Variants in LYST observed in about 807,000 individuals in gnomAD.
The protein encoded by LYST is lysosomal-trafficking regulator.
Under a neutral mutation model 413.6 loss-of-function variants are expected in LYST, and 192 were observed. The observed-to-expected ratio is 0.46, with a 90% confidence interval of 0.41 to 0.52. The LOEUF (loss-of-function observed/expected upper bound fraction) is 0.52. Ranked by LOEUF, LYST falls within the 20% of genes least tolerant of loss-of-function variation. The pLI is 0.00. For missense variants in LYST, 3,815 were observed against 4,499.9 expected (o/e 0.85, Z 4.35); for synonymous variants, 1,525 against 1,567.3 (o/e 0.97, Z 0.64).
At chr1:235,855,540 G>A (rs1333994122) in intron 1 of LYST, among the ~76,000 whole-genome samples, 1 of 152,084 alleles carries the variant, frequency 6.6e-6, no homozygotes, top group East Asian at 1.9e-4. Flanking sequence ...CAGTTTAAAA[G>A]TTCTTGAAAA....
intron 39 of LYST, among the ~76,000 whole-genome samples, chr1:235,722,041 A>T (rs1380968109): frequency 6.6e-6 from 1 of 152,156 alleles, no homozygotes; most frequent in Non-Finnish European, 1.5e-5. Flanking sequence ...AAGATATTTG[A>T]TCAGGAAACT....
intron 41 of LYST, 68 bp from the exon 42 acceptor site, chr1:235,715,425 A>C: frequency 6.7e-7 from 1 of 1,500,878 alleles, no homozygotes; most frequent in Non-Finnish European, 9.2e-7. Context: ...AAAGTGCTGG[A>C]TGTTTTTTTT....
upstream of LYST, among the ~76,000 whole-genome samples, chr1:235,870,333 G>GT (rs750867508): frequency 6.6e-6 from 1 of 152,186 alleles, no homozygotes; most frequent in Non-Finnish European, 1.5e-5. Context: ...CAATCCCTGA[G>GT]TTTTGGCCAA....
chr1:235,756,601 G>C (rs1667073790), intron 24 of LYST, among the ~76,000 whole-genome samples: 2 of 151,976 alleles, frequency 1.3e-5, no homozygotes, highest in Admixed American at 6.6e-5. Flanking sequence ...ATCTTTACAA[G>C]ATTATTTTAA....
intron 3 of LYST, among the ~76,000 whole-genome samples, chr1:235,815,854 C>T (rs866599556): frequency 2.6e-5 from 4 of 152,002 alleles, no homozygotes; most frequent in Non-Finnish European, 4.4e-5. Context: ...AAAATGGGGC[C>T]GGGCGCGGTG....
At chr1:235,822,455 G>A (rs937448322) in intron 3 of LYST, among the ~76,000 whole-genome samples, 3 of 152,178 alleles carry the variant, frequency 2.0e-5, no homozygotes, top group African/African-American at 7.2e-5. Flanking sequence ...CATATGCGGA[G>A]CAGATAACCT....
At position 235,770,155 on chromosome 1, in the gene LYST, A is replaced by G; in HGVS notation, c.5922+5T>C. 6.2e-7 allele frequency: 1 copy of G among 1,613,010 alleles called. No individual in the cohort carries two copies. Among genetic ancestry groups the G allele is most frequent in the Non-Finnish European group, 8.5e-7 (1 of 1,179,626 alleles). ...TTTCCAAAAGTAAAGTTACATGAAA[A>G]GTACCTGCAAAACCTGACAAGTCAG... On this transcript the variant is annotated splice_donor_5th_base_variant and intron_variant, in intron 20 of 52. Coordinates refer to ENST00000389793, the MANE Select transcript of LYST (RefSeq NM_000081.4).
At chr1:235,813,198 T>A in intron 3 of LYST, 137 bp from the exon 4 acceptor site, 1 of 685,468 alleles carries the variant, frequency 1.5e-6, no homozygotes, top group Non-Finnish European at 2.7e-6. Flanking sequence ...CAAATTAACC[T>A]ATCTTCAATC....
At chr1:235,826,461 A>C (rs1675347171) in intron 3 of LYST, among the ~76,000 whole-genome samples, 1 of 152,232 alleles carries the variant, frequency 6.6e-6, no homozygotes, top group Admixed American at 6.5e-5. Context: ...GTAGTGAACT[A>C]CTGAATTATG....
chr1:235,771,213 A>G (rs1668631987), intron 19 of LYST, among the ~76,000 whole-genome samples: 2 of 152,198 alleles, frequency 1.3e-5, no homozygotes, highest in Non-Finnish European at 2.9e-5. Context: ...CATGATTCAA[A>G]TCTGAAAAGT....
chr1:235,859,092 C>T (rs1047178164), intron 1 of LYST, among the ~76,000 whole-genome samples: 2 of 152,146 alleles, frequency 1.3e-5, no homozygotes, highest in Non-Finnish European at 1.5e-5. Flanking sequence ...AATCTTGCTT[C>T]ACAGAGAAAA....
At chr1:235,740,082 C>T (rs1286249522) in intron 31 of LYST, among the ~76,000 whole-genome samples, 2 of 152,118 alleles carry the variant, frequency 1.3e-5, no homozygotes, top group Admixed American at 6.5e-5. Context: ...AAAATACAGG[C>T]TAAATATGCT....
At chr1:235,680,395 T>C (rs1209203534) in intron 48 of LYST, among the ~76,000 whole-genome samples, 1 of 152,102 alleles carries the variant, frequency 6.6e-6, no homozygotes, top group South Asian at 2.1e-4. Context: ...AACAGGACTA[T>C]AGGTATGCAC....
intron 50 of LYST, among the ~76,000 whole-genome samples, chr1:235,672,414 G>C (rs1431118509): frequency 6.6e-6 from 1 of 152,126 alleles, no homozygotes; most frequent in African/African-American, 2.4e-5. Context: ...GGACCCACCA[G>C]TGACCTAGAA....
chr1:235,720,176 A>T (rs1663236000), intron 40 of LYST, among the ~76,000 whole-genome samples: 1 of 144,048 alleles, frequency 6.9e-6, no homozygotes, highest in Non-Finnish European at 1.5e-5. Flanking sequence ...TCTGTCTCAA[A>T]AAAAAAAAAA....
At position 235,809,850 on chromosome 1, in the gene LYST, A is replaced by G. The variant is rs766823455; in HGVS notation, c.968T>C (p.Ile323Thr). 35 of 1,613,896 alleles carry G rather than the reference A, an allele frequency of 2.2e-5. No homozygotes were observed. The highest frequency in any genetic ancestry group is 2.9e-5 in the Non-Finnish European group (34 of 1,179,982). The change falls in exon 5 of 53, where the codon ATT (isoleucine) becomes ACT (threonine). Residue 323 changes from isoleucine (I) to threonine (T), a missense_variant. Physicochemically the swap from Ile to Thr is moderately conservative, Grantham distance 89. Transcript: ENST00000389793. This position sits in a 1 kb window ranked among gnomAD's most constrained non-coding sequence, Gnocchi z 4.0. ...AGWTEEPVAL[I>T]QRMLFRTVLH... ...CACTGTTCGAAAGAGCATCCTTTGA[A>G]TCAAAGCCACCGGTTCTTCGGTCCA... is the stretch of plus-strand genomic sequence containing the variant.
chr1:235,809,260 G>C lies in LYST; in HGVS notation c.1558C>G (p.Leu520Val). The change falls in exon 5 of 53, where the codon CTG becomes GTG. Residue 520 changes from leucine (L) to valine (V), a missense_variant. Physicochemically the swap from Leu to Val is conservative, Grantham distance 32. Coordinates refer to ENST00000389793, the MANE Select transcript of LYST (RefSeq NM_000081.4). This position sits in a 1 kb window ranked among gnomAD's most constrained non-coding sequence, Gnocchi z 4.0. ...ACCTGGTTTTTAAAAGCCGAAACCA[G>C]AAGACCTGAGAGATCTCGGTGATGA... ...MHHHRDLSGL[L>V]VSAFKNQVSK... The C allele has an allele frequency of 6.2e-7, 1 of 1,613,984 alleles. No homozygotes were observed. Among genetic ancestry groups the C allele is most frequent in the Admixed American group, 1.7e-5 (1 of 59,990 alleles).
chr1:235,702,925 G>C lies in LYST; in HGVS notation c.10196C>G (p.Ala3399Gly), dbSNP rs1460634286. 1 of 1,613,976 alleles carries C rather than the reference G, an allele frequency of 6.2e-7. No individual in the cohort carries two copies. Among genetic ancestry groups the C allele is most frequent in the Non-Finnish European group, 8.5e-7 (1 of 1,180,016 alleles). Residue 3399 changes from alanine to glycine, a missense_variant, in exon 45 of 53, where the codon GCG becomes GGG. Ala to Gly is a moderately conservative substitution (Grantham distance 60, BLOSUM62 0). Coordinates refer to ENST00000389793, the MANE Select transcript of LYST (RefSeq NM_000081.4). ...GTAGGTTTTTATCATGGTTTCTAGC[G>C]CTCGTCTCTGAACTGGATCTTCAAC... ...SAVEDPVQRR[A>G]LETMIKTYGQ...
intron 50 of LYST, among the ~76,000 whole-genome samples, chr1:235,670,845 T>A (rs1225719243): frequency 6.6e-6 from 1 of 151,938 alleles, no homozygotes; most frequent in Non-Finnish European, 1.5e-5. Flanking sequence ...GTAAGAGAGG[T>A]TGAACCCCAT....
Sources: gnomAD v4.1 joint callset for allele counts (sites outside exome capture counted in the v4.1 genomes callset) on GRCh38, gnomAD v4.1.1 for gene constraint, Gnocchi (gnomAD v3.1) non-coding constraint, MANE v1.5 for transcripts, NCBI Gene and HGNC (gene_info 2026-07-23, HGNC 2026-07-21) for gene names.